Variants in CAPS2 observed in about 807,000 individuals in gnomAD.
CAPS2 encodes the protein calcyphosin-2.
CAPS2 carries 98 observed loss-of-function variants against 86.5 expected under a neutral mutation model. That is an observed-to-expected ratio of 1.13 (90% CI 0.96 to 1.34). CAPS2 has a LOEUF of 1.34. CAPS2 is among the 40% of genes most tolerant of loss of function. The probability of loss-of-function intolerance (pLI) is 0.00; values close to 1 mark genes in which losing one functional copy is unlikely to be tolerated. For missense variants in CAPS2, 729 were observed against 686.8 expected (o/e 1.06, Z -0.69); for synonymous variants, 210 against 225.1 (o/e 0.93, Z 0.60).
At chr12:75,379,053 TTTAA>T (rs1269392431) in intron 1 of CAPS2, among the ~76,000 whole-genome samples, 3 of 152,288 alleles carry the variant, frequency 2.0e-5, no homozygotes, top group East Asian at 1.9e-4. Context: ...CTTCATGTAT[TTTAA>T]TTAAACATTT....
intron 1 of CAPS2, chr12:75,360,314 A>G (rs2043486974): frequency 6.6e-6 from 1 of 152,214 alleles, no homozygotes; most frequent in Admixed American, 6.5e-5. Flanking sequence ...TTCAGCATTA[A>G]CTCAAAGTCC....
chr12:75,315,528 C>T (rs2039669244), intron 6 of CAPS2, among the ~76,000 whole-genome samples: 1 of 152,108 alleles, frequency 6.6e-6, no homozygotes, highest in African/African-American at 2.4e-5. Flanking sequence ...ACTGTTAATT[C>T]AGAACATAAT....
At chr12:75,340,475 G>T (rs1384642572) in intron 1 of CAPS2, among the ~76,000 whole-genome samples, 1 of 151,520 alleles carries the variant, frequency 6.6e-6, no homozygotes, top group African/African-American at 2.4e-5. Context: ...ACTATTAGAA[G>T]AAAAACAGGA....
At chr12:75,327,196 T>C (rs987782093), upstream of CAPS2, among the ~76,000 whole-genome samples, 2 of 152,318 alleles carry the variant, frequency 1.3e-5, 1 homozygote. Context: ...ATCTCCCTCT[T>C]CTCTAATACC....
At chr12:75,302,673 A>T (rs973840694) in intron 8 of CAPS2, among the ~76,000 whole-genome samples, 1 of 152,250 alleles carries the variant, frequency 6.6e-6, no homozygotes, top group African/African-American at 2.4e-5. Context: ...TTTCTAAAAC[A>T]TGTAAATAAG....
intron 1 of CAPS2, chr12:75,359,853 C>T (rs1424303735): frequency 5.9e-5 from 9 of 152,060 alleles, no homozygotes; most frequent in Non-Finnish European, 1.3e-4. Flanking sequence ...TTCATTTTCA[C>T]ACTGCTATAA....
At chr12:75,300,924 T>C (rs1441870886) in intron 8 of CAPS2, among the ~76,000 whole-genome samples, 1 of 152,232 alleles carries the variant, frequency 6.6e-6, no homozygotes, top group African/African-American at 2.4e-5. Context: ...TTTTCAGTGA[T>C]GTGTAGCTGA....
chr12:75,388,260 G>A (rs1164992006), intron 1 of CAPS2, among the ~76,000 whole-genome samples: 10 of 152,122 alleles, frequency 6.6e-5, no homozygotes, highest in East Asian at 3.9e-4. Context: ...CTATGATTGC[G>A]AGGGCTCCCA....
chr12:75,287,866 G>A (rs777000281), intron 14 of CAPS2, among the ~76,000 whole-genome samples: 4 of 152,210 alleles, frequency 2.6e-5, no homozygotes, highest in Non-Finnish European at 4.4e-5. Context: ...ACTTGTGACC[G>A]GTGCTCTATG....
intron 1 of CAPS2, among the ~76,000 whole-genome samples, chr12:75,363,899 C>T (rs893167846): frequency 6.6e-6 from 1 of 152,086 alleles, no homozygotes; most frequent in African/African-American, 2.4e-5. Context: ...TCCAGAAAGG[C>T]AAGACAACTG....
intron 4 of CAPS2, among the ~76,000 whole-genome samples, chr12:75,322,196 A>G (rs2040369177): frequency 6.6e-6 from 1 of 152,118 alleles, no homozygotes; most frequent in Non-Finnish European, 1.5e-5. Flanking sequence ...CTGTTTTCCC[A>G]CTATCTTTAC....
At chr12:75,288,122 T>C (rs1163035131) in intron 14 of CAPS2, among the ~76,000 whole-genome samples, 1 of 152,224 alleles carries the variant, frequency 6.6e-6, no homozygotes, top group Admixed American at 6.5e-5. Context: ...ACTCATGTGA[T>C]TGTAAGCAAA....
At chr12:75,305,746 G>T in intron 7 of CAPS2, 1 of 704,728 alleles carries the variant, frequency 1.4e-6, no homozygotes, top group South Asian at 1.4e-5. Flanking sequence ...TCAAGGACCA[G>T]AAGAAGATGA....
At chr12:75,294,089 G>A (rs971896194) in intron 11 of CAPS2, among the ~76,000 whole-genome samples, 8 of 151,944 alleles carry the variant, frequency 5.3e-5, no homozygotes, top group African/African-American at 1.2e-4. Flanking sequence ...CCACCACCAC[G>A]CCCGGCTGGT....
chr12:75,290,259 C>T (rs1043092522), intron 13 of CAPS2, among the ~76,000 whole-genome samples: 6 of 152,094 alleles, frequency 3.9e-5, no homozygotes, highest in South Asian at 4.1e-4. Context: ...AACTTCTATA[C>T]AAAATAGCAT....
chr12:75,349,727 T>C (rs1732300296), intron 1 of CAPS2, among the ~76,000 whole-genome samples: 1 of 152,056 alleles, frequency 6.6e-6, no homozygotes, highest in Non-Finnish European at 1.5e-5. Context: ...TTCAAAATCA[T>C]AACATTAGAA....
exon 2 of CAPS2, chr12:75,325,257 T>C (rs1280817439): frequency 1.9e-6 from 3 of 1,549,616 alleles, no homozygotes; most frequent in South Asian, 1.2e-5. Flanking sequence ...GCAAGAATTC[T>C]GGTTTGTCCA....
At chr12:75,305,543 C>T in intron 7 of CAPS2, 1 of 623,766 alleles carries the variant, frequency 1.6e-6, no homozygotes, top group Non-Finnish European at 3.1e-6. Flanking sequence ...GTAGGCGTTC[C>T]TCCGTCCGCG....
chr12:75,337,690 C>T (rs1040000005), intron 1 of CAPS2, among the ~76,000 whole-genome samples: 14 of 151,922 alleles, frequency 9.2e-5, no homozygotes, highest in Non-Finnish European at 1.8e-4. Flanking sequence ...TATATGCGTG[C>T]CATGTTATTT....
Sources: gnomAD v4.1 joint callset for allele counts (sites outside exome capture counted in the v4.1 genomes callset) on GRCh38, gnomAD v4.1.1 for gene constraint, MANE v1.5 for transcripts, NCBI Gene and HGNC (gene_info 2026-07-23, HGNC 2026-07-21) for gene names.